Variants in RAB22A observed in about 807,000 individuals in gnomAD.
The protein encoded by RAB22A is ras-related protein Rab-22A.
In RAB22A, 13 loss-of-function variants were observed where a neutral mutation model predicts 30.2. The observed-to-expected ratio is 0.43, with a 90% confidence interval of 0.28 to 0.68. RAB22A has a LOEUF of 0.68. RAB22A is among the 30% of genes least tolerant of loss of function. RAB22A has a pLI of 0.18. For missense variants in RAB22A, 177 were observed against 246.8 expected (o/e 0.72, Z 1.89); for synonymous variants, 89 against 87.2 (o/e 1.02, Z -0.11).
Position 58,359,588 on chromosome 20 carries a change from T to A in RAB22A, c.488-18T>A. ...AAAGTTAAAGCTCACTCCCTTCCCTTTTCTCATCTTGGTTTAGGTCGAAGA... is the reference window on the plus strand; with the variant it reads ...AAAGTTAAAGCTCACTCCCTTCCCTATTCTCATCTTGGTTTAGGTCGAAGA... On this transcript the variant is annotated intron_variant, in intron 6 of 6. Coordinates refer to ENST00000244040, the MANE Select transcript of RAB22A (RefSeq NM_020673.3). 6.4e-7 allele frequency: 1 copy of A among 1,573,412 alleles called. No homozygotes were observed. Among genetic ancestry groups the A allele is most frequent in the Non-Finnish European group, 8.7e-7 (1 of 1,145,386 alleles).
At chr20:58,353,217 T>C in intron 3 of RAB22A, 56 bp from the exon 4 acceptor site, 1 of 1,461,976 alleles carries the variant, frequency 6.8e-7, no homozygotes, top group South Asian at 1.2e-5. Context: ...AAATCTAGTA[T>C]AAAACATATT....
At chr20:58,329,946 G>A (rs1273266769) in intron 2 of RAB22A, among the ~76,000 whole-genome samples, 1 of 152,130 alleles carries the variant, frequency 6.6e-6, no homozygotes, top group African/African-American at 2.4e-5. Flanking sequence ...GAAAGTATCT[G>A]GGGGGGAAGA....
At chr20:58,356,638 C>T (rs1169677135) in intron 6 of RAB22A, among the ~76,000 whole-genome samples, 2 of 152,248 alleles carry the variant, frequency 1.3e-5, no homozygotes, top group African/African-American at 2.4e-5. Context: ...GCCGTTCCTA[C>T]ACCCAACGGT....
chr20:58,341,275 C>T (rs1228659177), intron 2 of RAB22A, among the ~76,000 whole-genome samples: 1 of 152,168 alleles, frequency 6.6e-6, no homozygotes, highest in East Asian at 1.9e-4. Context: ...GGGATAATTG[C>T]TGTGGAATGG....
intron 2 of RAB22A, among the ~76,000 whole-genome samples, chr20:58,337,010 C>T (rs971736061): frequency 2.6e-5 from 4 of 152,212 alleles, no homozygotes; most frequent in African/African-American, 9.6e-5. Context: ...CGCCCATCTT[C>T]TCCCTCAACT....
At chr20:58,340,753 C>G (rs2122956547) in intron 2 of RAB22A, among the ~76,000 whole-genome samples, 1 of 152,264 alleles carries the variant, frequency 6.6e-6, no homozygotes, top group South Asian at 2.1e-4. Flanking sequence ...GAAAGCTGCT[C>G]TAAAGACAAA....
At chr20:58,350,266 A>G (rs1299025584) in intron 3 of RAB22A, among the ~76,000 whole-genome samples, 1 of 152,236 alleles carries the variant, frequency 6.6e-6, no homozygotes, top group Admixed American at 6.5e-5. Flanking sequence ...GAATAGAAAA[A>G]CAGTAGAAAA....
chr20:58,340,921 G>A lies in RAB22A; in HGVS notation c.117-2797G>A, dbSNP rs546151508. ...AAGGAAGAGGAGCAGTCAGTGGTCC[G>A]TGGGAAGGTGGACACAGGGACAATT... On this transcript the variant is annotated intron_variant, in intron 2 of 6. Transcript: ENST00000244040. Among the ~76,000 whole-genome samples the A allele has an allele frequency of 1.1e-4, 16 of 152,256 alleles. No individual in the cohort carries two copies. The East Asian group carries it at 1.5e-3, about 15-fold the overall frequency.
intron 6 of RAB22A, among the ~76,000 whole-genome samples, chr20:58,358,425 T>C (rs1464750068): frequency 1.3e-5 from 2 of 152,246 alleles, no homozygotes; most frequent in Non-Finnish European, 2.9e-5. Context: ...TACCGTGACC[T>C]AGCTCTTCCA....
chr20:58,355,832 A>C (rs1288405161), intron 6 of RAB22A, among the ~76,000 whole-genome samples: 1 of 152,166 alleles, frequency 6.6e-6, no homozygotes, highest in Non-Finnish European at 1.5e-5. Context: ...CTCTTAAAAA[A>C]ACAAAAATCA....
intron 2 of RAB22A, among the ~76,000 whole-genome samples, chr20:58,311,794 G>T (rs1441608278): frequency 6.6e-6 from 1 of 152,092 alleles, no homozygotes; most frequent in South Asian, 2.1e-4. Context: ...ATGGTTTCCA[G>T]CATTTAAAGA....
rs1230547881 is a variant in RAB22A, at chr20:58,309,778, C to T, written c.-199C>T. The T allele has an allele frequency of 6.4e-5, 24 of 374,868 alleles. No homozygotes were observed. Among genetic ancestry groups the T allele is most frequent in the Non-Finnish European group, 7.6e-5 (17 of 225,022 alleles). The allele number at this position is 374,868 out of a possible 1,614,324, so 23.2% of individuals were successfully genotyped here. A position where few individuals can be genotyped will look rare whatever the true frequency, so the allele number is the denominator to read the frequency against. On this transcript the variant is annotated 5_prime_UTR_variant, in exon 1 of 7. Transcript: ENST00000244040. ...GGCTCCCGGAAGGCCGCGGCGGCGT[C>T]CCGGCTGCTAAGGCGGGCCCCACGC...
intron 2 of RAB22A, among the ~76,000 whole-genome samples, chr20:58,315,298 C>T (rs535521886): frequency 2.6e-4 from 40 of 152,308 alleles, no homozygotes; most frequent in Non-Finnish European, 4.9e-4. Context: ...ACCTCACCTT[C>T]ACCTGTATAA....
intron 3 of RAB22A, among the ~76,000 whole-genome samples, chr20:58,346,476 T>C (rs897853079): frequency 6.6e-6 from 1 of 152,206 alleles, no homozygotes; most frequent in African/African-American, 2.4e-5. Context: ...CAAAACTCTC[T>C]GTTCCCTCCA....
intron 6 of RAB22A, among the ~76,000 whole-genome samples, chr20:58,357,658 TTTA>T: frequency 1.3e-5 from 2 of 152,366 alleles, no homozygotes; most frequent in South Asian, 4.1e-4. Context: ...TCAATATCCA[TTTA>T]TTGAGAATAA....
intron 3 of RAB22A, among the ~76,000 whole-genome samples, chr20:58,347,346 G>C (rs1229722378): frequency 6.6e-6 from 1 of 152,210 alleles, no homozygotes; most frequent in Non-Finnish European, 1.5e-5. Context: ...GCCCTTGACA[G>C]TAGGGATCTT....
At chr20:58,322,390 A>G (rs183902390) in intron 2 of RAB22A, among the ~76,000 whole-genome samples, 1 of 152,370 alleles carries the variant, frequency 6.6e-6, no homozygotes, top group South Asian at 2.1e-4. Flanking sequence ...TACTAGCCAC[A>G]TGTTAAAATT....
Position 58,309,993 on chromosome 20 carries a change from T to C in RAB22A, c.17T>C (p.Leu6Pro). The C allele has an allele frequency of 7.8e-7, 1 of 1,282,552 alleles. No individual in the cohort carries two copies. Among genetic ancestry groups the C allele is most frequent in the Non-Finnish European group, 9.9e-7 (1 of 1,007,732 alleles). 79.4% of individuals were successfully genotyped at this position (1,282,552 alleles called of 1,614,324 possible). MALRE[L>P]KVCLLGDTGV... is the part of the protein sequence containing the mutation. ...TCCCGGGCCATGGCGCTGAGGGAGC[T>C]CAAAGTGTGTCTGCTCGGGGTGAGT... The change falls in exon 1 of 7, where the codon CTC becomes CCC. Residue 6 changes from leucine to proline, a missense_variant. By Grantham distance (98) the Leu-to-Pro change is moderately conservative (BLOSUM62 -3). Coordinates refer to ENST00000244040, the MANE Select transcript of RAB22A (RefSeq NM_020673.3).
chr20:58,322,172 C>G (rs930131176), intron 2 of RAB22A, among the ~76,000 whole-genome samples: 2 of 152,142 alleles, frequency 1.3e-5, no homozygotes, highest in African/African-American at 4.8e-5. Context: ...GTAAGAGTGC[C>G]GTTCTGAATT....
Sources: gnomAD v4.1 joint callset for allele counts (sites outside exome capture counted in the v4.1 genomes callset) on GRCh38, gnomAD v4.1.1 for gene constraint, MANE v1.5 for transcripts, NCBI Gene and HGNC (gene_info 2026-07-23, HGNC 2026-07-21) for gene names.